RANBP2: variants seen among roughly 807,000 people sequenced by gnomAD.
The protein encoded by RANBP2 is RAN binding protein 2, also known as E3 SUMO-protein ligase RanBP2.
A neutral mutation model predicts 303.6 loss-of-function variants in RANBP2; 57 were observed. That is an observed-to-expected ratio of 0.19 (90% CI 0.15 to 0.23). The LOEUF (loss-of-function observed/expected upper bound fraction) is 0.23, where lower values mean the gene tolerates loss of function less well. Among genes scored for constraint, RANBP2 ranks in the 10% least tolerant of loss-of-function variants. The pLI is 1.00. For synonymous variants in RANBP2, 1,167 were observed against 1,301.5 expected (o/e 0.90, Z 2.23); for missense variants, 3,138 against 3,780.8 (o/e 0.83, Z 4.46).
At chr2:109,192,167 T>C in the RANBP2 span, among the ~76,000 whole-genome samples, 1 of 152,212 alleles carries the variant, frequency 6.6e-6, no homozygotes, top group Admixed American at 6.5e-5. Context: ...GGTTCGGTTC[T>C]ACATATGGCA....
At chr2:108,737,335 C>CTTTTTTTTTTTTTTTTTTTTTTTTTTTT (rs201427498) in intron 6 of RANBP2, among the ~76,000 whole-genome samples, 1 of 117,074 alleles carries the variant, frequency 8.5e-6, no homozygotes, top group Non-Finnish European at 1.7e-5. Flanking sequence ...TTCTTTCTTT[C>CTTTTTTTTTTTTTTTTTTTTTTTTTTTT]TTTTTTTTTT....
At chr2:109,615,684 G>T in the RANBP2 span, 3 of 1,614,042 alleles carry the variant, frequency 1.9e-6, no homozygotes, top group East Asian at 2.2e-5. Context: ...AGCCCTGGAC[G>T]AGGGTGACGG....
rs775688590 is a variant in RANBP2, at chr2:108,782,445, T to C, written c.9034+44T>C. The stretch of plus-strand genomic sequence containing the variant: ...ATGCTACTTTTCATTTTTTGGACTT[T>C]TCTAAAATCTATAACAAACAAAACA... On this transcript the variant is annotated intron_variant, in intron 27 of 28. Coordinates refer to ENST00000283195, the MANE Select transcript of RANBP2 (RefSeq NM_006267.5). 3.2e-5 allele frequency: 52 copies of C among 1,613,708 alleles called. No homozygotes were observed. In the South Asian group the frequency reaches 5.5e-4, roughly 17 times the overall value.
chr2:109,441,038 C>A, the RANBP2 span, among the ~76,000 whole-genome samples: 1 of 151,388 alleles, frequency 6.6e-6, no homozygotes, highest in African/African-American at 2.4e-5. Context: ...CCAATTTCAC[C>A]CAACAGAGCT....
At chr2:109,145,990 G>T in the RANBP2 span, among the ~76,000 whole-genome samples, 1 of 152,176 alleles carries the variant, frequency 6.6e-6, no homozygotes, top group Non-Finnish European at 1.5e-5. Flanking sequence ...GGGCTTGGCA[G>T]TGTGACCTCC....
chr2:108,741,416 G>A (rs995762499), intron 7 of RANBP2, among the ~76,000 whole-genome samples: 1 of 148,770 alleles, frequency 6.7e-6, no homozygotes, highest in Non-Finnish European at 1.5e-5. Flanking sequence ...CAGGATGGTC[G>A]CCATCTCTTG....
the RANBP2 span, among the ~76,000 whole-genome samples, chr2:109,547,928 C>A: frequency 1.2e-4 from 19 of 152,284 alleles, no homozygotes; most frequent in South Asian, 3.9e-3. Context: ...AAGAGAAACC[C>A]TTAGCACACA....
At chr2:109,442,103 A>T in the RANBP2 span, among the ~76,000 whole-genome samples, 3 of 151,954 alleles carry the variant, frequency 2.0e-5, no homozygotes, top group African/African-American at 7.3e-5. Context: ...CGAGGTCAGG[A>T]GATTGAGACC....
At chr2:108,779,038 T>A (rs773363706) in intron 25 of RANBP2, among the ~76,000 whole-genome samples, 6 of 151,956 alleles carry the variant, frequency 3.9e-5, no homozygotes, top group Non-Finnish European at 7.4e-5. Context: ...CCCTGAACAG[T>A]TATTTTTGAG....
At chr2:109,218,120 C>T in the RANBP2 span, among the ~76,000 whole-genome samples, 5,167 of 150,722 alleles carry the variant, frequency 0.034, 265 homozygotes, top group African/African-American at 0.11. Context: ...TGAGTAGAGA[C>T]AGAAAACCAT....
At chr2:109,062,705 T>C in the RANBP2 span, among the ~76,000 whole-genome samples, 3 of 151,994 alleles carry the variant, frequency 2.0e-5, no homozygotes, top group African/African-American at 7.3e-5. Flanking sequence ...TCATGGACAG[T>C]GCCCTCTCTC....
chr2:109,367,119 ATTTTTT>A, the RANBP2 span, among the ~76,000 whole-genome samples: 3 of 113,320 alleles, frequency 2.6e-5, no homozygotes, highest in Middle Eastern at 0.01. Flanking sequence ...TGCCCTGGTA[ATTTTTT>A]TTTTTTTTTT....
the RANBP2 span, among the ~76,000 whole-genome samples, chr2:109,073,727 C>T: frequency 6.7e-6 from 1 of 150,154 alleles, no homozygotes; most frequent in Non-Finnish European, 1.5e-5. Flanking sequence ...AGTGAAGATA[C>T]CTTTAAAAAC....
At chr2:108,871,961 C>A in the RANBP2 span, among the ~76,000 whole-genome samples, 5 of 152,162 alleles carry the variant, frequency 3.3e-5, no homozygotes, top group East Asian at 7.7e-4. Flanking sequence ...TTCTCCAGGT[C>A]TTTTTTCTTA....
At chr2:109,541,126 A>G in the RANBP2 span, among the ~76,000 whole-genome samples, 1 of 152,146 alleles carries the variant, frequency 6.6e-6, no homozygotes, top group Non-Finnish European at 1.5e-5. Flanking sequence ...TACACACATC[A>G]CCATGTTTCA....
chr2:108,857,321 G>A, the RANBP2 span, among the ~76,000 whole-genome samples: 10 of 151,798 alleles, frequency 6.6e-5, no homozygotes, highest in Non-Finnish European at 1.5e-4. Flanking sequence ...TGGCAGCCTC[G>A]GCCTCCCAAA....
chr2:109,722,410 G>A, the RANBP2 span, among the ~76,000 whole-genome samples: 1 of 152,200 alleles, frequency 6.6e-6, no homozygotes, highest in Non-Finnish European at 1.5e-5. Flanking sequence ...TCTAGTGTTT[G>A]TCAAACCCTC....
chr2:108,763,577 A>C lies in RANBP2; in HGVS notation c.3038A>C (p.Glu1013Ala). The C allele has an allele frequency of 6.2e-7, 1 of 1,614,134 alleles. No homozygotes were observed. Among genetic ancestry groups the C allele is most frequent in the Non-Finnish European group, 8.5e-7 (1 of 1,180,002 alleles). Residue 1013 changes from glutamate to alanine, a missense_variant, in exon 20 of 29, where the codon GAA becomes GCA. Around this residue, in one of 20 missense-constraint regions of RANBP2, gnomAD observed 403 missense variants for 376.7 expected, o/e 1.07. Transcript: ENST00000283195. ...KTNFVQPMPGEGLRPSLPTQA... is the reference protein window; with the variant it reads ...KTNFVQPMPGAGLRPSLPTQA... ...AATTTTGTTCAGCCCATGCCGGGTGAAGGATTAAGGCCATCTTTGCCAACA... is the reference window on the plus strand; with the variant it reads ...AATTTTGTTCAGCCCATGCCGGGTGCAGGATTAAGGCCATCTTTGCCAACA...
At chr2:109,304,159 G>A in the RANBP2 span, among the ~76,000 whole-genome samples, 6 of 151,456 alleles carry the variant, frequency 4.0e-5, no homozygotes, top group East Asian at 3.9e-4. Flanking sequence ...GTACAGTATT[G>A]TTAGCTGGAG....
Sources: allele counts gnomAD v4.1 joint callset (sites outside exome capture counted in the v4.1 genomes callset), GRCh38; gene constraint gnomAD v4.1.1; regional missense constraint gnomAD v4.1.1; transcripts MANE v1.5; gene names NCBI Gene and HGNC (gene_info 2026-07-23, HGNC 2026-07-21).